GLCCI1: variants seen among roughly 807,000 people sequenced by gnomAD.
GLCCI1 encodes glucocorticoid-induced transcript 1 protein.
Under a neutral mutation model 52.2 loss-of-function variants are expected in GLCCI1, and 24 were observed. The ratio of observed to expected loss-of-function variants is 0.46; its 90% CI spans 0.33 to 0.65. The LOEUF (loss-of-function observed/expected upper bound fraction) is 0.65. Ranked by LOEUF, GLCCI1 falls within the 30% of genes least tolerant of loss-of-function variation. GLCCI1 has a pLI of 0.02. For missense variants in GLCCI1, 704 were observed against 701.5 expected (o/e 1.00, Z -0.04); for synonymous variants, 310 against 276.5 (o/e 1.12, Z -1.20).
In GLCCI1 at chr7:8,060,122, G is replaced by T. The variant is rs867405262; in HGVS notation, c.840G>T (p.Met280Ile). 3.1e-6 allele frequency: 5 copies of T among 1,613,442 alleles called. No homozygotes were observed. The highest frequency in any genetic ancestry group is 4.2e-6 in the Non-Finnish European group (5 of 1,179,774). ...TQATGSRSVP[M>I]PLSNISVPKS... The stretch of plus-strand genomic sequence containing the variant: ...CTACTGGATCAAGGTCAGTTCCTAT[G>T]CCACTGTCAAATATATCAGTGCCAA... Residue 280 changes from methionine (M) to isoleucine (I), a missense_variant, in exon 5 of 8, where the codon ATG becomes ATT. Met to Ile is a conservative substitution (Grantham distance 10). Around this residue, in one of 3 missense-constraint regions of GLCCI1, gnomAD observed 547 missense variants for 524.8 expected, o/e 1.04. Coordinates refer to ENST00000223145, the MANE Select transcript of GLCCI1 (RefSeq NM_138426.4).
intron 1 of GLCCI1, among the ~76,000 whole-genome samples, chr7:7,987,772 A>T (rs542756467): frequency 4.1e-5 from 6 of 147,372 alleles, no homozygotes; most frequent in South Asian, 4.5e-4. Context: ...TTTATTTTTT[A>T]TTTTTTTTAG....
At chr7:8,069,965 T>C (rs1782719722) in intron 5 of GLCCI1, 1 of 152,240 alleles carries the variant, frequency 6.6e-6, no homozygotes, top group Admixed American at 6.5e-5. Flanking sequence ...TTTTCAATTA[T>C]ATAACTTAAT....
intron 4 of GLCCI1, among the ~76,000 whole-genome samples, chr7:8,056,001 A>AC (rs1407820213): frequency 1.4e-5 from 2 of 145,396 alleles, no homozygotes; most frequent in East Asian, 2.0e-4. Flanking sequence ...TCAAAAAAAA[A>AC]AAAAAACAAA....
chr7:8,005,666 T>C (rs564314430), intron 2 of GLCCI1, among the ~76,000 whole-genome samples: 1 of 152,328 alleles, frequency 6.6e-6, no homozygotes, highest in Admixed American at 6.5e-5. Context: ...TATGTATGTA[T>C]GTACCTAGTG....
intron 3 of GLCCI1, among the ~76,000 whole-genome samples, chr7:8,048,714 A>C (rs1049654294): frequency 6.6e-6 from 1 of 152,188 alleles, no homozygotes; most frequent in African/African-American, 2.4e-5. Flanking sequence ...AGAAGGTATA[A>C]GACTCCTGAT....
chr7:8,013,444 C>G (rs961084713), intron 2 of GLCCI1, among the ~76,000 whole-genome samples: 1 of 152,004 alleles, frequency 6.6e-6, no homozygotes, highest in South Asian at 2.1e-4. Context: ...CCATTAATAT[C>G]TTTTTTAATA....
chr7:8,031,293 C>T (rs1480362233), intron 3 of GLCCI1, among the ~76,000 whole-genome samples: 1 of 152,040 alleles, frequency 6.6e-6, no homozygotes, highest in East Asian at 1.9e-4. Context: ...AAGCCAGGCA[C>T]AGAAAGACAA....
At chr7:8,040,076 A>G (rs944665013) in intron 3 of GLCCI1, among the ~76,000 whole-genome samples, 3 of 152,060 alleles carry the variant, frequency 2.0e-5, no homozygotes, top group Admixed American at 6.5e-5. Context: ...TACCCCCTAA[A>G]TCTATATAAA....
chr7:7,984,219 C>G (rs1780676993), intron 1 of GLCCI1, among the ~76,000 whole-genome samples: 1 of 152,134 alleles, frequency 6.6e-6, no homozygotes, highest in South Asian at 2.1e-4. Context: ...TGCCACCACA[C>G]CTGGCTAATT....
chr7:8,038,479 A>G (rs1781918131), intron 3 of GLCCI1, among the ~76,000 whole-genome samples: 1 of 152,232 alleles, frequency 6.6e-6, no homozygotes, highest in African/African-American at 2.4e-5. Context: ...GATTTTTGAC[A>G]AAGTTGACAA....
At chr7:8,062,012 C>G (rs888045053) in intron 5 of GLCCI1, among the ~76,000 whole-genome samples, 1 of 152,018 alleles carries the variant, frequency 6.6e-6, no homozygotes, top group African/African-American at 2.4e-5. Context: ...TAAGAACAGT[C>G]ATGTAAAGAT....
At chr7:8,061,897 C>A (rs1478239119) in intron 5 of GLCCI1, among the ~76,000 whole-genome samples, 1 of 151,692 alleles carries the variant, frequency 6.6e-6, no homozygotes, top group Admixed American at 6.6e-5. Flanking sequence ...GAACTCCTCA[C>A]CTCAAGTGAT....
At chr7:8,042,358 C>T (rs1250508922) in intron 3 of GLCCI1, among the ~76,000 whole-genome samples, 1 of 152,058 alleles carries the variant, frequency 6.6e-6, no homozygotes, top group Non-Finnish European at 1.5e-5. Context: ...TTCTAGATGC[C>T]ATTAAGAACA....
chr7:7,986,967 ACTTCTTG>A (rs1278098594), intron 1 of GLCCI1, among the ~76,000 whole-genome samples: 2 of 152,026 alleles, frequency 1.3e-5, no homozygotes, highest in Admixed American at 6.5e-5. Flanking sequence ...CCTAATTATT[ACTTCTTG>A]CTTGGACTTT....
In GLCCI1 at chr7:8,067,942, G is replaced by A. The variant is rs150738198; in HGVS notation, c.967-2979G>A. Among the ~76,000 whole-genome samples, 22 of 152,256 alleles carry A rather than the reference G, an allele frequency of 1.4e-4. No homozygotes were observed. In the East Asian group the frequency reaches 4.2e-3, roughly 29 times the overall value. On this transcript the variant is annotated intron_variant, in intron 5 of 7. Coordinates refer to ENST00000223145, the MANE Select transcript of GLCCI1 (RefSeq NM_138426.4). ...TTTCATGGACGGTATCCTGAAATCT[G>A]GTTTCTAAGTTGCTTGCTTTCTCCT...
intron 4 of GLCCI1, among the ~76,000 whole-genome samples, chr7:8,059,883 G>A (rs73053544): frequency 0.036 from 5,537 of 152,178 alleles, 142 homozygotes; most frequent in Non-Finnish European, 0.056. Context: ...CTTACATAAA[G>A]GGATTTGAAA....
chr7:7,978,109 C>G (rs1780533593), intron 1 of GLCCI1, among the ~76,000 whole-genome samples: 2 of 152,158 alleles, frequency 1.3e-5, no homozygotes, highest in African/African-American at 4.8e-5. Context: ...AGTAATTATG[C>G]CATCATTGGG....
intron 1 of GLCCI1, among the ~76,000 whole-genome samples, chr7:8,003,621 A>T (rs1207860114): frequency 1.3e-5 from 2 of 152,162 alleles, no homozygotes; most frequent in African/African-American, 4.8e-5. Context: ...CATGAATGGG[A>T]GTCTTAATTA....
At chr7:7,984,525 A>G (rs187764777) in intron 1 of GLCCI1, among the ~76,000 whole-genome samples, 23 of 152,358 alleles carry the variant, frequency 1.5e-4, no homozygotes, top group South Asian at 8.3e-4. Flanking sequence ...TCGTAATGTA[A>G]AAACTTTAAA....
Sources: gnomAD v4.1 joint callset for allele counts (sites outside exome capture counted in the v4.1 genomes callset) on GRCh38, gnomAD v4.1.1 for gene constraint, gnomAD v4.1.1 regional missense constraint, MANE v1.5 for transcripts, NCBI Gene and HGNC (gene_info 2026-07-23, HGNC 2026-07-21) for gene names.